Variants in SNX29 observed in about 807,000 individuals in gnomAD.
The protein encoded by SNX29 is sorting nexin-29.
In SNX29, 78 loss-of-function variants were observed where a neutral mutation model predicts 102.1. That is an observed-to-expected ratio of 0.76 (90% CI 0.64 to 0.92). SNX29 has a LOEUF of 0.92. SNX29 is among the 40% of genes least tolerant of loss of function. The pLI is 0.00. For missense variants in SNX29, 1,280 were observed against 1,061.7 expected (o/e 1.21, Z -2.86); for synonymous variants, 580 against 414.5 (o/e 1.40, Z -4.85).
intron 14 of SNX29, among the ~76,000 whole-genome samples, chr16:12,200,005 C>T (rs1419045789): frequency 6.6e-6 from 1 of 152,058 alleles, no homozygotes; most frequent in Non-Finnish European, 1.5e-5. Context: ...TCACAGCAGG[C>T]CACGGGTGCA....
At chr16:12,137,095 T>C (rs931738209) in intron 13 of SNX29, among the ~76,000 whole-genome samples, 3 of 152,164 alleles carry the variant, frequency 2.0e-5, no homozygotes, top group Admixed American at 6.5e-5. Flanking sequence ...AGGGCCATGA[T>C]TGACAGTCTT....
intron 20 of SNX29, among the ~76,000 whole-genome samples, chr16:12,537,193 C>G (rs1160752556): frequency 6.6e-6 from 1 of 152,116 alleles, no homozygotes; most frequent in African/African-American, 2.4e-5. Flanking sequence ...CCTGGCCAGC[C>G]CCTAAATTGC....
At chr16:12,171,357 C>T (rs536268585) in intron 13 of SNX29, among the ~76,000 whole-genome samples, 2 of 152,194 alleles carry the variant, frequency 1.3e-5, no homozygotes, top group Admixed American at 6.5e-5. Context: ...AAAACACGCA[C>T]AGTTAGTCCC....
intron 16 of SNX29, among the ~76,000 whole-genome samples, chr16:12,385,236 C>T (rs2083303138): frequency 6.6e-6 from 1 of 152,128 alleles, no homozygotes; most frequent in African/African-American, 2.4e-5. Context: ...AAAGTCTTTG[C>T]TTATTGGGGG....
chr16:12,039,716 G>C (rs977700305), intron 4 of SNX29, among the ~76,000 whole-genome samples: 6 of 152,208 alleles, frequency 3.9e-5, no homozygotes, highest in Non-Finnish European at 7.3e-5. Context: ...AGTTGTGAAC[G>C]TGATCATTTT....
At chr16:12,323,085 C>T (rs35269700) in intron 15 of SNX29, among the ~76,000 whole-genome samples, 2,458 of 58,090 alleles carry the variant, frequency 0.042, 1 homozygote, top group Middle Eastern at 0.053. Flanking sequence ...TGTCAGGATG[C>T]GGTCACTGGA....
chr16:12,324,824 C>T (rs2081069323), intron 15 of SNX29, among the ~76,000 whole-genome samples: 1 of 152,118 alleles, frequency 6.6e-6, no homozygotes, highest in African/African-American at 2.4e-5. Flanking sequence ...AAAACCGAAA[C>T]CTCCCAGGCT....
intron 16 of SNX29, among the ~76,000 whole-genome samples, chr16:12,363,740 G>T (rs1055312928): frequency 3.9e-5 from 6 of 152,182 alleles, no homozygotes; most frequent in African/African-American, 1.4e-4. Flanking sequence ...TTTCCTTTCA[G>T]TGGTATCTTT....
At chr16:12,150,395 G>T (rs2141582081) in intron 13 of SNX29, among the ~76,000 whole-genome samples, 1 of 152,318 alleles carries the variant, frequency 6.6e-6, no homozygotes, top group South Asian at 2.1e-4. Context: ...TTGCTACCAG[G>T]GGTTAAGGAT....
At chr16:12,217,622 C>T (rs538710798) in intron 14 of SNX29, among the ~76,000 whole-genome samples, 90 of 152,316 alleles carry the variant, frequency 5.9e-4, no homozygotes, top group African/African-American at 1.9e-3. Flanking sequence ...AATGTTTCAG[C>T]AGTAAGATGG....
At chr16:12,038,144 A>G (rs138946965) in intron 4 of SNX29, among the ~76,000 whole-genome samples, 3 of 152,324 alleles carry the variant, frequency 2.0e-5, no homozygotes, top group African/African-American at 7.2e-5. Flanking sequence ...GATACACTTT[A>G]CATGTATTCC....
intron 13 of SNX29, among the ~76,000 whole-genome samples, chr16:12,183,622 C>A (rs1248674387): frequency 1.3e-5 from 2 of 152,158 alleles, no homozygotes; most frequent in African/African-American, 4.8e-5. Context: ...CTACATTACC[C>A]CATAGGAATG....
chr16:12,472,132 T>C (rs2087374228), intron 18 of SNX29, among the ~76,000 whole-genome samples: 1 of 152,200 alleles, frequency 6.6e-6, no homozygotes, highest in Admixed American at 6.5e-5. Flanking sequence ...ATGAGGGCCA[T>C]ACACAGAAAC....
chr16:12,259,114 A>G (rs765569872), intron 14 of SNX29, among the ~76,000 whole-genome samples: 12 of 151,946 alleles, frequency 7.9e-5, no homozygotes, highest in Non-Finnish European at 1.6e-4. Flanking sequence ...CTTCCTAGAC[A>G]TAATTAAGAT....
intron 2 of SNX29, among the ~76,000 whole-genome samples, chr16:12,002,761 C>A (rs1315623065): frequency 6.6e-6 from 1 of 152,192 alleles, no homozygotes. Context: ...AGGCTTGCTT[C>A]TGTACAAGTG....
chr16:12,503,585 T>G (rs74009106), intron 19 of SNX29, among the ~76,000 whole-genome samples: 16 of 152,278 alleles, frequency 1.1e-4, no homozygotes, highest in African/African-American at 3.6e-4. Context: ...GGAATTTGAT[T>G]TCTGTGATTG....
chr16:12,317,882 A>C (rs368631981), intron 15 of SNX29, among the ~76,000 whole-genome samples: 16 of 152,362 alleles, frequency 1.1e-4, no homozygotes, highest in East Asian at 9.6e-4. Context: ...ATGCAAGTAA[A>C]GCATTCAGCC....
chr16:12,550,037 C>T (rs1256292867), intron 20 of SNX29, among the ~76,000 whole-genome samples: 1 of 152,208 alleles, frequency 6.6e-6, no homozygotes, highest in Non-Finnish European at 1.5e-5. Context: ...AGATGGAATG[C>T]CTCCCTGGAG....
At chr16:12,364,510 T>A (rs1415633503) in intron 16 of SNX29, among the ~76,000 whole-genome samples, 1 of 152,068 alleles carries the variant, frequency 6.6e-6, no homozygotes, top group Non-Finnish European at 1.5e-5. Context: ...GATTTTTACC[T>A]TTTAGCGGGA....
Sources: gnomAD v4.1 joint callset for allele counts (sites outside exome capture counted in the v4.1 genomes callset) on GRCh38, gnomAD v4.1.1 for gene constraint, MANE v1.5 for transcripts, NCBI Gene and HGNC (gene_info 2026-07-23, HGNC 2026-07-21) for gene names.